The following ADAM22 variants were observed in gnomAD, a reference collection of about 807,000 sequenced individuals.
ADAM22 encodes the protein disintegrin and metalloproteinase domain-containing protein 22.
A neutral mutation model predicts 144.6 loss-of-function variants in ADAM22; 65 were observed. That is an observed-to-expected ratio of 0.45 (90% CI 0.37 to 0.55). The LOEUF is 0.55. Ranked by LOEUF, ADAM22 falls within the 20% of genes least tolerant of loss-of-function variation. The pLI is 0.00. For synonymous variants in ADAM22, 391 were observed against 412.6 expected (o/e 0.95, Z 0.63); for missense variants, 974 against 1,184.9 (o/e 0.82, Z 2.61).
chr7:88,045,957 A>G (rs899509275), intron 3 of ADAM22, among the ~76,000 whole-genome samples: 6 of 145,196 alleles, frequency 4.1e-5, no homozygotes, highest in Non-Finnish European at 6.0e-5. Context: ...TTCTTTATCC[A>G]TTCATTCATC....
At chr7:88,035,163 A>T (rs906359576) in intron 3 of ADAM22, among the ~76,000 whole-genome samples, 2 of 152,108 alleles carry the variant, frequency 1.3e-5, no homozygotes, top group African/African-American at 2.4e-5. Context: ...TCGTTCTCCT[A>T]ATATGGTTTT....
intron 11 of ADAM22, 48 bp from the exon 12 acceptor site, chr7:88,132,819 A>G (rs773474193): frequency 1.4e-6 from 2 of 1,464,008 alleles, no homozygotes; most frequent in Admixed American, 3.4e-5. Flanking sequence ...GGGTGCTATG[A>G]TGTTTGAACT....
chr7:88,152,784 T>C (rs1479896466), intron 20 of ADAM22, among the ~76,000 whole-genome samples: 1 of 152,024 alleles, frequency 6.6e-6, no homozygotes, highest in Non-Finnish European at 1.5e-5. Context: ...GTTCAAGCGA[T>C]TTCCCTGCCT....
chr7:88,192,616 C>G lies in ADAM22; in HGVS notation c.2751-500C>G, dbSNP rs1849862273. On this transcript the variant is annotated intron_variant, in intron 30 of 31. Transcript: ENST00000413139. ...TGTTCCTTCACAACTAACACACTGGCCTCTGAATGCATGAGTGTTGTGTAA... is the reference window on the plus strand; with the variant it reads ...TGTTCCTTCACAACTAACACACTGGGCTCTGAATGCATGAGTGTTGTGTAA... Among the ~76,000 whole-genome samples, 3 of 152,060 alleles carry G rather than the reference C, an allele frequency of 2.0e-5. 1 individual carries two copies. In the South Asian group the frequency reaches 6.2e-4, roughly 32 times the overall value.
chr7:87,978,338 G>C lies in ADAM22; in HGVS notation c.249G>C (p.Leu83Phe), dbSNP rs2129448760. Residue 83 changes from leucine to phenylalanine, a missense_variant and splice_region_variant, in exon 3 of 32, where the codon TTG becomes TTC. Transcript: ENST00000413139. Reference sequence around the variant, plus strand: ...CTTTTTTCTTTTTGATATTGTAGTTGACTCATGTTGACCAAGCAAGCTTCC... The same window carrying C: ...CTTTTTTCTTTTTGATATTGTAGTTCACTCATGTTGACCAAGCAAGCTTCC... ...RVRGDLGGPQ[L>F]THVDQASFQV... 1 of 1,612,280 alleles carries C rather than the reference G, an allele frequency of 6.2e-7. No individual in the cohort carries two copies. The highest frequency in any genetic ancestry group is 1.1e-5 in the South Asian group (1 of 90,800).
rs1436443355 is a variant in ADAM22, at chr7:88,179,226, C to T, written c.2495+97C>T. On this transcript the variant is annotated intron_variant, in intron 27 of 31. Transcript: ENST00000413139. ...AAAATGCCATATGCTCAGAACCACT[C>T]ATTATACAAATCAGGCCACAAAATC... 18 of 526,914 alleles carry T rather than the reference C, an allele frequency of 3.4e-5. No homozygotes were observed. The East Asian group carries it at 5.7e-4, about 17-fold the overall frequency. The allele number at this position is 526,914 out of a possible 1,614,324, so 32.6% of individuals were successfully genotyped here.
intron 2 of ADAM22, among the ~76,000 whole-genome samples, chr7:87,974,259 G>C (rs555596013): frequency 6.7e-6 from 1 of 149,004 alleles, no homozygotes; most frequent in African/African-American, 2.5e-5. Flanking sequence ...AGCCGAGATC[G>C]TGCCACTGCC....
At chr7:87,975,229 G>A (rs939705511) in intron 2 of ADAM22, among the ~76,000 whole-genome samples, 1 of 152,114 alleles carries the variant, frequency 6.6e-6, no homozygotes, top group Non-Finnish European at 1.5e-5. Context: ...ATTCTCGACA[G>A]CATTTCTCTG....
At chr7:87,984,168 C>G (rs1445069489) in intron 3 of ADAM22, among the ~76,000 whole-genome samples, 2 of 152,148 alleles carry the variant, frequency 1.3e-5, no homozygotes, top group African/African-American at 4.8e-5. Flanking sequence ...TAAATTAACT[C>G]TATCCCCAAG....
intron 6 of ADAM22, among the ~76,000 whole-genome samples, chr7:88,115,595 C>T (rs527472649): frequency 2.0e-5 from 3 of 152,212 alleles, no homozygotes; most frequent in African/African-American, 7.2e-5. Flanking sequence ...AGGATCTCAC[C>T]CTTATGACCT....
At chr7:88,031,615 T>A (rs1199327414) in intron 3 of ADAM22, among the ~76,000 whole-genome samples, 1 of 152,252 alleles carries the variant, frequency 6.6e-6, no homozygotes, top group Non-Finnish European at 1.5e-5. Flanking sequence ...GGCTTCTTCT[T>A]ACCATGTATG....
chr7:88,023,825 T>C (rs1203992640), intron 3 of ADAM22, among the ~76,000 whole-genome samples: 2 of 137,856 alleles, frequency 1.5e-5, no homozygotes, highest in African/African-American at 4.9e-5. Flanking sequence ...CTACCCCCAC[T>C]TCCCCCCTAC....
At chr7:87,957,080 A>G (rs961135442) in intron 2 of ADAM22, among the ~76,000 whole-genome samples, 2 of 152,182 alleles carry the variant, frequency 1.3e-5, no homozygotes, top group Non-Finnish European at 2.9e-5. Flanking sequence ...AAACTACCCT[A>G]CAGGATTCCT....
chr7:87,989,141 A>G (rs545268767), intron 3 of ADAM22, among the ~76,000 whole-genome samples: 1 of 152,326 alleles, frequency 6.6e-6, no homozygotes, highest in East Asian at 1.9e-4. Flanking sequence ...TGAAGGTGAA[A>G]TATAACATAT....
chr7:88,101,018 G>A (rs1285469680), intron 4 of ADAM22, among the ~76,000 whole-genome samples: 4 of 150,622 alleles, frequency 2.7e-5, no homozygotes, highest in African/African-American at 9.8e-5. Context: ...GGATGCAGTA[G>A]GGTTCAAGGA....
chr7:88,039,464 A>AAAAAAAAAAAAAATATATATATAT, intron 3 of ADAM22, among the ~76,000 whole-genome samples: 5 of 76,400 alleles, frequency 6.5e-5, no homozygotes, highest in East Asian at 1.1e-3. Flanking sequence ...AAAAAAAAAA[A>AAAAAAAAAAAAAATATATATATAT]ATATATATAT....
chr7:88,156,589 T>C (rs999580133), intron 22 of ADAM22, among the ~76,000 whole-genome samples: 2 of 152,016 alleles, frequency 1.3e-5, no homozygotes, highest in African/African-American at 2.4e-5. Flanking sequence ...TCATCTACTT[T>C]AGGAAGAGGG....
chr7:88,004,551 T>C (rs1793334533), intron 3 of ADAM22, among the ~76,000 whole-genome samples: 1 of 152,202 alleles, frequency 6.6e-6, no homozygotes, highest in Admixed American at 6.5e-5. Flanking sequence ...TTCCAATATA[T>C]AAATGTGTTC....
intron 4 of ADAM22, among the ~76,000 whole-genome samples, chr7:88,077,041 T>C (rs1814725473): frequency 6.6e-6 from 1 of 152,196 alleles, no homozygotes; most frequent in Non-Finnish European, 1.5e-5. Flanking sequence ...ATGCACACAT[T>C]TGTATATATA....
Sources: gnomAD v4.1 joint callset for allele counts (sites outside exome capture counted in the v4.1 genomes callset) on GRCh38, gnomAD v4.1.1 for gene constraint, MANE v1.5 for transcripts, NCBI Gene and HGNC (gene_info 2026-07-23, HGNC 2026-07-21) for gene names.